The following DRAP1 variants were observed in gnomAD, a reference collection of about 807,000 sequenced individuals.
DRAP1 encodes the protein dr1-associated corepressor.
Under a neutral mutation model 24.1 loss-of-function variants are expected in DRAP1, and 10 were observed. The observed-to-expected ratio is 0.41, with a 90% confidence interval of 0.26 to 0.70. The LOEUF is 0.70. Among genes scored for constraint, DRAP1 ranks in the 30% least tolerant of loss-of-function variants. The pLI, the probability that DRAP1 is intolerant of heterozygous loss-of-function variation, is 0.29. For missense variants in DRAP1, 264 were observed against 275.6 expected, an observed-to-expected ratio of 0.96 and a Z score of 0.30; for synonymous variants, 122 against 113.8, an observed-to-expected ratio of 1.07 and a Z score of -0.46.
intron 6 of DRAP1, 22 bp from the exon 7 acceptor site, chr11:65,921,304 ACTCT>A (rs1372929960): frequency 7.1e-6 from 10 of 1,416,786 alleles, no homozygotes; most frequent in East Asian, 2.3e-5. Flanking sequence ...CTCAGGCCTG[ACTCT>A]CTCCTGCCTT....
In DRAP1 at chr11:65,921,411, G is replaced by A; in HGVS notation, c.594G>A (p.Glu198=). The part of the protein sequence containing the change: ...APPGPSAPDE[E]DEEDYDS The stretch of plus-strand genomic sequence containing the variant: ...CGGGCCCCTCAGCACCTGATGAAGA[G>A]GACGAAGAAGATTACGACTCCTAGC... Residue 198 remains glutamate, a synonymous_variant, in exon 7 of 7, where the codon GAG becomes GAA. Transcript: ENST00000312515. 1.2e-6 allele frequency: 2 copies of A among 1,609,614 alleles called. No individual in the cohort carries two copies. The highest frequency in any genetic ancestry group is 8.5e-7 in the Non-Finnish European group (1 of 1,176,046).
In DRAP1 at chr11:65,919,818, T is replaced by G; in HGVS notation, c.81T>G (p.Ile27Met). The change falls in exon 2 of 7, where the codon ATT (isoleucine) becomes ATG (methionine). Residue 27 changes from isoleucine to methionine, a missense_variant. Ile to Met is a conservative substitution (Grantham distance 10). Coordinates refer to ENST00000312515, the MANE Select transcript of DRAP1 (RefSeq NM_006442.4). ...IKKIMQTDEE[I>M]GKVAAAVPVI... ...AGATCATGCAGACGGACGAAGAGAT[T>G]GGGAAGGTGGCGGCGGCGGTGCCTG... 6.2e-7 allele frequency: 1 copy of G among 1,612,786 alleles called. No individual in the cohort carries two copies. The highest frequency in any genetic ancestry group is 8.5e-7 in the Non-Finnish European group (1 of 1,179,892).
Position 65,919,444 on chromosome 11 carries a change from G to A in DRAP1, c.-58G>A, listed in dbSNP as rs1171164278. On this transcript the variant is annotated 5_prime_UTR_variant, in exon 1 of 7. Transcript: ENST00000312515. ...GACGGGCGGGCGGCGAGCAGGCCCG[G>A]GAGCCGGGAGGCTGCGGGCGGCGGC... 27 of 1,507,122 alleles carry A rather than the reference G, an allele frequency of 1.8e-5. No homozygotes were observed. The highest frequency in any genetic ancestry group is 2.4e-5 in the Non-Finnish European group (27 of 1,129,098). 93.4% of individuals were successfully genotyped at this position (1,507,122 alleles called of 1,614,324 possible).
rs1004558761 is a variant in DRAP1 at position 65,920,232 on chromosome 11, C to T, written c.210-111C>T. On this transcript the variant is annotated intron_variant, in intron 3 of 6. Coordinates refer to ENST00000312515, the MANE Select transcript of DRAP1 (RefSeq NM_006442.4). ...GAGTAAAGCAGGGCAGGCCCGGGAGCGGAGATCGGCCCGGGCTCCAGCCTG... is the reference window on the plus strand; with the variant it reads ...GAGTAAAGCAGGGCAGGCCCGGGAGTGGAGATCGGCCCGGGCTCCAGCCTG... 1.1e-5 allele frequency: 17 copies of T among 1,533,262 alleles called. No individual in the cohort carries two copies. In the African/African-American group the frequency reaches 1.6e-4, roughly 15 times the overall value. The allele number at this position is 1,533,262 out of a possible 1,614,324, so 95.0% of individuals were successfully genotyped here. A position where few individuals can be genotyped will look rare whatever the true frequency, so the allele number is the denominator to read the frequency against.
intron 3 of DRAP1, 68 bp from the exon 4 acceptor site, chr11:65,920,275 C>A: frequency 6.2e-7 from 1 of 1,603,304 alleles, no homozygotes; most frequent in Non-Finnish European, 8.5e-7. Context: ...GGGCCCCTTG[C>A]TGCCACCCAC....
intron 6 of DRAP1, 96 bp downstream of exon 6, chr11:65,921,068 G>A: frequency 3.1e-6 from 3 of 958,010 alleles, no homozygotes; most frequent in Non-Finnish European, 4.6e-6. Flanking sequence ...GTTGATTGTG[G>A]CAGATTTGTG....
chr11:65,919,618 C>T, intron 1 of DRAP1, 75 bp downstream of exon 1: 2 of 1,540,318 alleles, frequency 1.3e-6, no homozygotes, highest in Non-Finnish European at 1.8e-6. Flanking sequence ...GCTGGGCAGG[C>T]GGGCGCGCCG....
intron 4 of DRAP1, 36 bp downstream of exon 4, chr11:65,920,498 A>C (rs1854534388): frequency 3.1e-6 from 5 of 1,613,148 alleles, no homozygotes; most frequent in African/African-American, 1.3e-5. Flanking sequence ...GGGGAAGGCC[A>C]AGGCCACAGG....
intron 5 of DRAP1, 23 bp downstream of exon 5, chr11:65,920,685 G>C: frequency 6.8e-7 from 1 of 1,470,390 alleles, no homozygotes; most frequent in Non-Finnish European, 9.0e-7. Context: ...CCAGCCCTTC[G>C]CCCTGCCCTT....
chr11:65,920,689 T>C, intron 5 of DRAP1, 27 bp downstream of exon 5: 2 of 1,466,956 alleles, frequency 1.4e-6, no homozygotes, highest in Non-Finnish European at 1.8e-6. Flanking sequence ...CCCTTCGCCC[T>C]GCCCTTGGTG....
chr11:65,921,023 C>T, intron 6 of DRAP1, 51 bp downstream of exon 6: 1 of 1,398,840 alleles, frequency 7.1e-7, no homozygotes, highest in Non-Finnish European at 9.8e-7. Context: ...CCAGAGCCAA[C>T]TTACCCCTCT....
At chr11:65,920,244 C>G in intron 3 of DRAP1, 99 bp from the exon 4 acceptor site, 2 of 1,566,580 alleles carry the variant, frequency 1.3e-6, no homozygotes, top group Admixed American at 1.8e-5. Flanking sequence ...GAGATCGGCC[C>G]GGGCTCCAGC....
rs530128982 is a variant in DRAP1 at position 65,919,569 on chromosome 11, G to C, written c.42+26G>C. 90 of 1,548,358 alleles carry C rather than the reference G, an allele frequency of 5.8e-5. No individual in the cohort carries two copies. The Admixed American group carries it at 1.7e-3, about 29-fold the overall frequency. ...GTGAGCACGTGGCAGAGCCCGGCAG[G>C]AGTGGGCCCGGCTCCCGGGTGGCTT... On this transcript the variant is annotated intron_variant, in intron 1 of 6. Transcript: ENST00000312515.
At chr11:65,919,921 C>A in intron 2 of DRAP1, 27 bp from the exon 3 acceptor site, 1 of 1,613,724 alleles carries the variant, frequency 6.2e-7, no homozygotes, top group South Asian at 1.1e-5. Context: ...CCTCTCCTGC[C>A]CCGGAGTTCT....
chr11:65,920,626 G>A lies in DRAP1; in HGVS notation c.387G>A (p.Lys129=), dbSNP rs1277185952. ...ACGGTGGGATGGGAACGAAAAGCAA[G>A]GACAAGAAGCTGTCCGGGACAGACT... ...RKNGGMGTKS[K]DKKLSGTDSE... is the part of the protein sequence containing the mutation. The change falls in exon 5 of 7, where the codon AAG becomes AAA. Residue 129 remains lysine, a synonymous_variant. Coordinates refer to ENST00000312515, the MANE Select transcript of DRAP1 (RefSeq NM_006442.4). The A allele has an allele frequency of 2.0e-6, 3 of 1,536,424 alleles. No individual in the cohort carries two copies. Among genetic ancestry groups the A allele is most frequent in the Admixed American group, 4.2e-5 (2 of 48,052 alleles).
chr11:65,920,754 T>A, intron 5 of DRAP1, 92 bp downstream of exon 5: 18 of 1,446,298 alleles, frequency 1.2e-5, no homozygotes, highest in Non-Finnish European at 1.5e-5. Context: ...GCTCTCATCC[T>A]TTTCTGCAAC....
intron 6 of DRAP1, 125 bp downstream of exon 6, chr11:65,921,097 T>C (rs1854545063): frequency 1.3e-6 from 1 of 754,864 alleles, no homozygotes; most frequent in Non-Finnish European, 2.1e-6. Flanking sequence ...GGAGAATAAC[T>C]GAGGAGGGCT....
chr11:65,921,376 C>G lies in DRAP1; in HGVS notation c.559C>G (p.Pro187Ala). Residue 187 changes from proline (P) to alanine (A), a missense_variant, in exon 7 of 7, where the codon CCA becomes GCA. Pro to Ala is a conservative substitution (Grantham distance 27). This residue lies in a region of DRAP1 where 243 missense variants were observed against 233.6 expected (regional missense o/e 1.04). Coordinates refer to ENST00000312515, the MANE Select transcript of DRAP1 (RefSeq NM_006442.4). ...CTTCGCCTCTACTCTGCCTTTGCCC[C>G]CAGCGCCCCCGGGCCCCTCAGCACC... ...LPFASTLPLP[P>A]APPGPSAPDE... The G allele has an allele frequency of 6.2e-7, 1 of 1,611,736 alleles. No individual in the cohort carries two copies. The highest frequency in any genetic ancestry group is 8.5e-7 in the Non-Finnish European group (1 of 1,178,028).
chr11:65,920,048 G>C lies in DRAP1; in HGVS notation c.209+7G>C, dbSNP rs762112468. Reference sequence around the variant, plus strand: ...CCATGACCACATCCCACCTGTGAGCGGCGAGGAGCCGGGAGGGGCCGGCGG... The same window carrying C: ...CCATGACCACATCCCACCTGTGAGCCGCGAGGAGCCGGGAGGGGCCGGCGG... On this transcript the variant is annotated splice_region_variant and intron_variant, in intron 3 of 6. Coordinates refer to ENST00000312515, the MANE Select transcript of DRAP1 (RefSeq NM_006442.4). 11 of 1,612,610 alleles carry C rather than the reference G, an allele frequency of 6.8e-6. No homozygotes were observed. In the South Asian group the frequency reaches 7.7e-5, roughly 11 times the overall value.
Sources: allele counts gnomAD v4.1 joint callset, GRCh38; gene constraint gnomAD v4.1.1; regional missense constraint gnomAD v4.1.1; transcripts MANE v1.5; gene names NCBI Gene and HGNC (gene_info 2026-07-23, HGNC 2026-07-21).